The following STXBP5L variants were observed in gnomAD, a reference collection of about 807,000 sequenced individuals.
STXBP5L encodes syntaxin binding protein 5L, also known as syntaxin-binding protein 5-like.
A neutral mutation model predicts 144.5 loss-of-function variants in STXBP5L; 65 were observed. The observed-to-expected ratio is 0.45, with a 90% CI of 0.37 to 0.55. STXBP5L has a LOEUF of 0.55. Among genes scored for constraint, STXBP5L ranks in the 20% least tolerant of loss-of-function variants. STXBP5L has a pLI of 0.00. For synonymous variants in STXBP5L, 505 were observed against 469.6 expected (o/e 1.08, Z -0.97); for missense variants, 1,298 against 1,405.5 (o/e 0.92, Z 1.22).
intron 3 of STXBP5L, among the ~76,000 whole-genome samples, chr3:121,034,297 CCTTT>C (rs1576726365): frequency 6.6e-6 from 1 of 152,186 alleles, no homozygotes; most frequent in East Asian, 1.9e-4. Context: ...CTCCTTCCCA[CCTTT>C]CTGAGTGTCC....
chr3:121,382,422 A>G (rs549496282), intron 22 of STXBP5L, among the ~76,000 whole-genome samples: 1 of 152,128 alleles, frequency 6.6e-6, no homozygotes, highest in Non-Finnish European at 1.5e-5. Flanking sequence ...TTATTTTAAC[A>G]TATAGTTCAC....
chr3:121,259,132 A>C lies in STXBP5L; in HGVS notation c.1922A>C (p.Gln641Pro). 1.9e-6 allele frequency: 3 copies of C among 1,597,682 alleles called. No homozygotes were observed. ...LVWVDGEPPQ[Q>P]ITSLAVSSAY... is the part of the protein sequence containing the mutation. ...TGGGTAGATGGTGAACCTCCACAAC[A>C]GATTACTAGTCTTGCTGTAAGCTCA... Residue 641 changes from glutamine (Q) to proline (P), a missense_variant, in exon 18 of 27, where the codon CAG becomes CCG. Physicochemically the swap from Gln to Pro is moderately conservative, Grantham distance 76. Transcript: ENST00000471454.
At chr3:121,048,831 G>T (rs1002091024) in intron 5 of STXBP5L, among the ~76,000 whole-genome samples, 1 of 152,068 alleles carries the variant, frequency 6.6e-6, no homozygotes, top group African/African-American at 2.4e-5. Flanking sequence ...GACTACAGGT[G>T]CTGGGAGCCC....
intron 3 of STXBP5L, among the ~76,000 whole-genome samples, chr3:120,989,912 C>G (rs1272247351): frequency 2.0e-5 from 3 of 152,162 alleles, no homozygotes; most frequent in Non-Finnish European, 4.4e-5. Context: ...CAGGGATGCC[C>G]TCTCTCACCA....
intron 4 of STXBP5L, among the ~76,000 whole-genome samples, chr3:121,044,374 A>G (rs1947364614): frequency 6.6e-6 from 1 of 152,162 alleles, no homozygotes; most frequent in South Asian, 2.1e-4. Flanking sequence ...TTAGATTCCT[A>G]TCTTCTCTCT....
chr3:121,168,817 T>C (rs1243034553), intron 9 of STXBP5L, among the ~76,000 whole-genome samples: 1 of 152,012 alleles, frequency 6.6e-6, no homozygotes, highest in African/African-American at 2.4e-5. Flanking sequence ...AAGGCCAACA[T>C]TCAAATTCAG....
At chr3:121,076,074 G>A (rs187562342) in intron 5 of STXBP5L, among the ~76,000 whole-genome samples, 2 of 152,282 alleles carry the variant, frequency 1.3e-5, no homozygotes, top group East Asian at 3.9e-4. Context: ...TAGTAGAGAA[G>A]GGCTGATAAA....
intron 3 of STXBP5L, among the ~76,000 whole-genome samples, chr3:121,004,754 G>C (rs963923624): frequency 6.6e-6 from 1 of 152,124 alleles, no homozygotes; most frequent in Non-Finnish European, 1.5e-5. Context: ...AGAGTTTTTA[G>C]CATGAAGCGT....
chr3:120,968,957 G>A (rs1183897123), intron 3 of STXBP5L, among the ~76,000 whole-genome samples: 3 of 151,982 alleles, frequency 2.0e-5, no homozygotes, highest in Admixed American at 6.6e-5. Flanking sequence ...TAGACACTTA[G>A]GTTAGTTCCA....
chr3:121,141,863 A>G (rs1184648394), intron 7 of STXBP5L, among the ~76,000 whole-genome samples: 1 of 152,134 alleles, frequency 6.6e-6, no homozygotes, highest in African/African-American at 2.4e-5. Flanking sequence ...TTATAAGACA[A>G]ACAGAAAACA....
chr3:121,146,425 C>T (rs1037454973), intron 7 of STXBP5L, among the ~76,000 whole-genome samples: 2 of 152,008 alleles, frequency 1.3e-5, no homozygotes, highest in Non-Finnish European at 2.9e-5. Context: ...TACTAACCAA[C>T]TCCCTTCCCA....
At chr3:121,265,319 T>G (rs1400299584) in intron 18 of STXBP5L, among the ~76,000 whole-genome samples, 1 of 152,146 alleles carries the variant, frequency 6.6e-6, no homozygotes, top group Non-Finnish European at 1.5e-5. Flanking sequence ...ATTAAGAAAC[T>G]CACTCAAAAC....
chr3:121,166,172 AATTTTT>A (rs1367280665), intron 9 of STXBP5L, among the ~76,000 whole-genome samples: 3 of 152,028 alleles, frequency 2.0e-5, no homozygotes, highest in Non-Finnish European at 4.4e-5. Context: ...ACACCCAGCT[AATTTTT>A]ATACTTTTTG....
chr3:121,377,134 A>G (rs931309819), intron 20 of STXBP5L, among the ~76,000 whole-genome samples: 5 of 152,176 alleles, frequency 3.3e-5, no homozygotes. Context: ...TTGGGCTGAG[A>G]CCATAGGGTT....
At chr3:121,051,730 TA>T (rs1948015710) in intron 5 of STXBP5L, among the ~76,000 whole-genome samples, 1 of 151,800 alleles carries the variant, frequency 6.6e-6, no homozygotes. Flanking sequence ...AAGAAATAAC[TA>T]AAATCAGAGC....
At chr3:121,272,858 C>A (rs2050771054) in intron 18 of STXBP5L, among the ~76,000 whole-genome samples, 1 of 151,998 alleles carries the variant, frequency 6.6e-6, no homozygotes, top group African/African-American at 2.4e-5. Context: ...GAAATGATAA[C>A]AACTCAACTT....
chr3:120,917,298 G>A (rs1709150701), intron 2 of STXBP5L, among the ~76,000 whole-genome samples: 1 of 152,280 alleles, frequency 6.6e-6, no homozygotes, highest in Middle Eastern at 3.4e-3. Context: ...TAGAATTAAG[G>A]TCAACAATAT....
intron 19 of STXBP5L, among the ~76,000 whole-genome samples, chr3:121,299,522 G>C (rs1480487347): frequency 3.3e-5 from 5 of 151,980 alleles, no homozygotes; most frequent in Non-Finnish European, 7.4e-5. Context: ...GGAACTATCA[G>C]TTAACTTGAA....
intron 9 of STXBP5L, among the ~76,000 whole-genome samples, chr3:121,178,742 G>A (rs1398650122): frequency 2.0e-5 from 3 of 152,102 alleles, no homozygotes; most frequent in Non-Finnish European, 4.4e-5. Context: ...AGTAGAAGTA[G>A]CATTGAGAAG....
Sources: allele counts gnomAD v4.1 joint callset (sites outside exome capture counted in the v4.1 genomes callset), GRCh38; gene constraint gnomAD v4.1.1; transcripts MANE v1.5; gene names NCBI Gene and HGNC (gene_info 2026-07-23, HGNC 2026-07-21).